Variants in ITIH4 observed in about 807,000 individuals in gnomAD.
The protein encoded by ITIH4 is inter-alpha-trypsin inhibitor heavy chain H4.
Under a neutral mutation model 111.8 loss-of-function variants are expected in ITIH4, and 79 were observed. That is an observed-to-expected ratio of 0.71 (90% CI 0.59 to 0.85). The LOEUF (loss-of-function observed/expected upper bound fraction) is 0.85. ITIH4 is among the 40% of genes least tolerant of loss of function. The pLI, the probability that ITIH4 is intolerant of heterozygous loss-of-function variation, is 0.00. For synonymous variants in ITIH4, 472 were observed against 468.3 expected, an observed-to-expected ratio of 1.01 and a Z score of -0.10; for missense variants, 1,065 against 1,195.8, an observed-to-expected ratio of 0.89 and a Z score of 1.61.
Position 52,818,172 on chromosome 3 carries a change from G to A in ITIH4, c.2180-4C>T, listed in dbSNP as rs766601542. The stretch of plus-strand genomic sequence containing the variant: ...GCAGAGGGAGCCTGTATGGGGGCTG[G>A]GACAGCCGGGGCACGGCTCCTGGAG... On this transcript the variant is annotated splice_polypyrimidine_tract_variant and splice_region_variant and intron_variant, in intron 19 of 23. Transcript: ENST00000266041. 2 of 1,607,900 alleles carry A rather than the reference G, an allele frequency of 1.2e-6. No homozygotes were observed. Among genetic ancestry groups the A allele is most frequent in the South Asian group, 2.2e-5 (2 of 90,602 alleles).
At position 52,826,606 on chromosome 3, in the gene ITIH4, T is replaced by C. The variant is rs776218902; in HGVS notation, c.565A>G (p.Thr189Ala). The C allele has an allele frequency of 5.0e-6, 8 of 1,613,938 alleles. No homozygotes were observed. In the East Asian group the frequency reaches 1.1e-4, roughly 22 times the overall value. ...FEPQGISFLE[T>A]ESTFMTNQLV... ...TGGTTGGTCATGAAGGTGCTCTCTG[T>C]CTCCAGAAAGCTGATGCCCTGGGGC... The change falls in exon 5 of 24, where the codon ACA (threonine) becomes GCA (alanine). Residue 189 changes from threonine to alanine, a missense_variant. Coordinates refer to ENST00000266041, the MANE Select transcript of ITIH4 (RefSeq NM_002218.5).
At chr3:52,828,027 T>C (rs2535628) in intron 2 of ITIH4, among the ~76,000 whole-genome samples, 16,569 of 152,218 alleles carry the variant, frequency 0.11, 2,787 homozygotes, top group African/African-American at 0.35. Flanking sequence ...AATTTAACTC[T>C]AGCCCGGGAT....
At position 52,830,644 on chromosome 3, in the gene ITIH4, G is replaced by A. The variant is rs748677415; in HGVS notation, c.-2C>T. The A allele has an allele frequency of 1.7e-5, 27 of 1,601,952 alleles. No individual in the cohort carries two copies. Among genetic ancestry groups the A allele is most frequent in the Middle Eastern group, 3.3e-4 (2 of 6,026 alleles). On this transcript the variant is annotated 5_prime_UTR_variant, in exon 1 of 24. In the 5' UTR this introduces an upstream ATG that the reference lacks. Transcript: ENST00000266041. ...ACGGACAGGCCTTGGGGGCTTCATC[G>A]TGGCTCCAGTGTCTGCCAGGAGGCT...
rs1700316324 is a variant in ITIH4 at position 52,818,400 on chromosome 3, T to C, written c.2152+62A>G. On this transcript the variant is annotated intron_variant, in intron 18 of 23. Transcript: ENST00000266041. ...CTCACTACTTCAACATCGAGACATG[T>C]GACAGGTCACTCCCCTCCCAGGATC... is the stretch of plus-strand genomic sequence containing the variant. The C allele has an allele frequency of 2.5e-5, 40 of 1,576,646 alleles. No homozygotes were observed. The South Asian group carries it at 3.9e-4, about 15-fold the overall frequency.
chr3:52,820,153 G>T, intron 14 of ITIH4, 138 bp downstream of exon 14: 2 of 1,341,898 alleles, frequency 1.5e-6, no homozygotes, highest in Non-Finnish European at 1.1e-6. Context: ...AGATTACACT[G>T]CCTCCTGGCA....
chr3:52,830,483 G>C, intron 1 of ITIH4, 70 bp downstream of exon 1: 1 of 1,423,078 alleles, frequency 7.0e-7, no homozygotes, highest in South Asian at 1.1e-5. Context: ...GGCACATGCG[G>C]AGGCTCTTCC....
intron 17 of ITIH4, 72 bp downstream of exon 17, chr3:52,819,321 C>T (rs1700330843): frequency 2.5e-6 from 4 of 1,583,138 alleles, no homozygotes; most frequent in East Asian, 2.2e-5. Flanking sequence ...TTTACCCCAC[C>T]CCCCTCTATG....
chr3:52,817,001 A>T lies in ITIH4; in HGVS notation c.2354T>A (p.Val785Glu), dbSNP rs1161042536. 6.2e-7 allele frequency: 1 copy of T among 1,613,820 alleles called. No homozygotes were observed. Among genetic ancestry groups the T allele is most frequent in the African/African-American group, 1.3e-5 (1 of 74,918 alleles). ...REKAGFSWIEVTFKNPLVWVH... is the reference protein window; with the variant it reads ...REKAGFSWIEETFKNPLVWVH... ...CCATACCAGGGGGTTCTTGAAGGTC[A>T]CTTCGATCCATGAGAACCCAGCCTT... Residue 785 changes from valine (V) to glutamate (E), a missense_variant, in exon 21 of 24, where the codon GTG (valine) becomes GAG (glutamate). Transcript: ENST00000266041.
rs898959698 is a variant in ITIH4 at position 52,823,497 on chromosome 3, C to T, written c.1539+59G>A. On this transcript the variant is annotated intron_variant, in intron 11 of 23. Transcript: ENST00000266041. ...CAGGTCTGGGATTTGAGTCCAGCCC[C>T]TCTGGCTGCAGAGGTGGAGGCTGCC... is the stretch of plus-strand genomic sequence containing the variant. 7 of 1,447,536 alleles carry T rather than the reference C, an allele frequency of 4.8e-6. No individual in the cohort carries two copies. The African/African-American group carries it at 9.9e-5, about 20-fold the overall frequency. 89.7% of individuals were successfully genotyped at this position (1,447,536 alleles called of 1,614,324 possible).
At chr3:52,816,682 C>G (rs866253424) in intron 21 of ITIH4, among the ~76,000 whole-genome samples, 2 of 152,168 alleles carry the variant, frequency 1.3e-5, no homozygotes, top group Admixed American at 6.5e-5. Context: ...GGGATAGTGA[C>G]CTGGGTTAGG....
intron 13 of ITIH4, 144 bp downstream of exon 13, chr3:52,820,487 C>T: frequency 8.4e-7 from 1 of 1,184,990 alleles, no homozygotes; most frequent in Non-Finnish European, 1.2e-6. Context: ...CTTCACTTTC[C>T]TCATCAGTGA....
chr3:52,817,942 C>A, intron 20 of ITIH4, 110 bp downstream of exon 20: 1 of 838,608 alleles, frequency 1.2e-6, no homozygotes, highest in Non-Finnish European at 2.1e-6. Context: ...ATGCTATGAT[C>A]TGGGAGGGGC....
Position 52,821,499 on chromosome 3 carries a change from C to T in ITIH4, c.1540-369G>A, listed in dbSNP as rs558635072. On this transcript the variant is annotated intron_variant, in intron 11 of 23. Transcript: ENST00000266041. ...TGGAGCAGGAAGGGTCTAGCTACAG[C>T]CTGCCCTTACCCCCAAAGCTGAGGG... Among the ~76,000 whole-genome samples the T allele has an allele frequency of 1.3e-3, 198 of 152,224 alleles. 1 individual carries two copies. The highest frequency in any genetic ancestry group is 2.4e-3 in the Non-Finnish European group (164 of 68,024).
chr3:52,829,114 C>T lies in ITIH4; in HGVS notation c.251+5G>A, dbSNP rs1360905836. The T allele has an allele frequency of 1.2e-6, 2 of 1,603,336 alleles. No individual in the cohort carries two copies. Among genetic ancestry groups the T allele is most frequent in the Non-Finnish European group, 1.7e-6 (2 of 1,171,798 alleles). On this transcript the variant is annotated splice_donor_5th_base_variant and intron_variant, in intron 2 of 23. Coordinates refer to ENST00000266041, the MANE Select transcript of ITIH4 (RefSeq NM_002218.5). ...GAGAGGGGAGGAGGGTGGGAAGGCACCTACATGGAGAAGTTGGTGATGAAG... is the reference window on the plus strand; with the variant it reads ...GAGAGGGGAGGAGGGTGGGAAGGCATCTACATGGAGAAGTTGGTGATGAAG...
intron 5 of ITIH4, 111 bp from the exon 6 acceptor site, chr3:52,826,125 G>T: frequency 6.9e-7 from 1 of 1,450,088 alleles, no homozygotes; most frequent in Non-Finnish European, 9.3e-7. Context: ...GCAGCCTTGG[G>T]TCCGTATTCC....
At chr3:52,813,556 G>A in intron 23 of ITIH4, 66 bp from the exon 24 acceptor site, 1 of 1,406,516 alleles carries the variant, frequency 7.1e-7, no homozygotes, top group Non-Finnish European at 1.0e-6. Flanking sequence ...CGAAAAGAGG[G>A]AGACAGCTGG....
At chr3:52,819,560 T>A (rs750617367) in intron 16 of ITIH4, 42 bp from the exon 17 acceptor site, 13 of 1,612,864 alleles carry the variant, frequency 8.1e-6, no homozygotes, top group Non-Finnish European at 9.3e-6. Flanking sequence ...TCAGGTGGGG[T>A]GTGGGTCTTC....
At chr3:52,822,238 G>C (rs2154111442) in intron 11 of ITIH4, 1 of 152,238 alleles carries the variant, frequency 6.6e-6, no homozygotes, top group South Asian at 2.1e-4. Flanking sequence ...AGCTACTTGG[G>C]AGGCTGAGGC....
intron 6 of ITIH4, 80 bp downstream of exon 6, chr3:52,825,806 T>G: frequency 6.7e-7 from 1 of 1,492,988 alleles, no homozygotes; most frequent in Non-Finnish European, 9.0e-7. Flanking sequence ...GTTCTTTTCC[T>G]GTTCTAAAAT....
Sources: gnomAD v4.1 joint callset for allele counts (sites outside exome capture counted in the v4.1 genomes callset) on GRCh38, gnomAD v4.1.1 for gene constraint, MANE v1.5 for transcripts, NCBI Gene and HGNC (gene_info 2026-07-23, HGNC 2026-07-21) for gene names.